Variants in SLC4A4 observed in about 807,000 individuals in gnomAD.
The protein encoded by SLC4A4 is electrogenic sodium bicarbonate cotransporter 1.
In SLC4A4, 27 loss-of-function variants were observed where a neutral mutation model predicts 111.5. The ratio of observed to expected loss-of-function variants is 0.24; its 90% CI spans 0.18 to 0.33. The LOEUF (loss-of-function observed/expected upper bound fraction) is 0.33. Ranked by LOEUF, SLC4A4 falls within the 10% of genes least tolerant of loss-of-function variation. SLC4A4 has a pLI of 1.00. For synonymous variants in SLC4A4, 443 were observed against 463.4 expected, an observed-to-expected ratio of 0.96 and a Z score of 0.57; for missense variants, 909 against 1,315.5, an observed-to-expected ratio of 0.69 and a Z score of 4.78.
intron 2 of SLC4A4, among the ~76,000 whole-genome samples, chr4:71,171,765 G>A (rs1744947762): frequency 6.6e-6 from 1 of 152,082 alleles, no homozygotes; most frequent in Non-Finnish European, 1.5e-5. Flanking sequence ...GATTACTCTG[G>A]TCTTTATTCC....
chr4:71,168,473 G>A (rs1290468369), intron 2 of SLC4A4, among the ~76,000 whole-genome samples: 1 of 152,038 alleles, frequency 6.6e-6, no homozygotes, highest in African/African-American at 2.4e-5. Flanking sequence ...GTGAGCCACT[G>A]CTTCTGGCCT....
At chr4:71,248,820 T>G (rs1282081778) in intron 2 of SLC4A4, among the ~76,000 whole-genome samples, 1 of 152,200 alleles carries the variant, frequency 6.6e-6, no homozygotes, top group East Asian at 1.9e-4. Flanking sequence ...TATGTGGTCT[T>G]AGGCGCCTCA....
chr4:71,341,956 G>A lies in SLC4A4; in HGVS notation c.389+2451G>A, dbSNP rs73826251. On this transcript the variant is annotated intron_variant, in intron 4 of 25. Coordinates refer to ENST00000264485, the MANE Select transcript of SLC4A4 (RefSeq NM_001098484.3). Reference sequence around the variant, plus strand: ...ACTCCTAGCCCCAACAGTAGTATTAGGGAAAGAGACCTAATTTTTAAATAC... The same window carrying A: ...ACTCCTAGCCCCAACAGTAGTATTAAGGAAAGAGACCTAATTTTTAAATAC... 7.9e-3 allele frequency among the ~76,000 whole-genome samples: 1,203 copies of A among 152,162 alleles called. 17 individuals are homozygous for A. Among genetic ancestry groups the A allele is most frequent in the African/African-American group, 0.026 (1,065 of 41,528 alleles).
At chr4:71,318,954 A>G (rs891114167) in intron 3 of SLC4A4, among the ~76,000 whole-genome samples, 9 of 151,878 alleles carry the variant, frequency 5.9e-5, no homozygotes, top group African/African-American at 2.2e-4. Context: ...GAGTGGCTGG[A>G]CATATCTTAG....
At chr4:71,387,222 A>T (rs56885514) in intron 6 of SLC4A4, among the ~76,000 whole-genome samples, 2 of 152,104 alleles carry the variant, frequency 1.3e-5, no homozygotes, top group African/African-American at 4.8e-5. Flanking sequence ...GTCCCTCTGC[A>T]TGGAGTTTTA....
chr4:71,166,576 T>C (rs932634548), intron 2 of SLC4A4, among the ~76,000 whole-genome samples: 1 of 152,216 alleles, frequency 6.6e-6, no homozygotes, highest in African/African-American at 2.4e-5. Context: ...TTCTGTGAAC[T>C]TAGAGGTATC....
chr4:71,294,510 AGTGGAGTGG>A (rs1724623123), intron 3 of SLC4A4, among the ~76,000 whole-genome samples: 1 of 152,240 alleles, frequency 6.6e-6, no homozygotes, highest in Non-Finnish European at 1.5e-5. Context: ...TCTTAATGGC[AGTGGAGTGG>A]GTAGTAATGT....
intron 2 of SLC4A4, among the ~76,000 whole-genome samples, chr4:71,156,544 G>A (rs537789792): frequency 1.2e-5 from 1 of 82,386 alleles, no homozygotes; most frequent in African/African-American, 2.6e-5. Flanking sequence ...AGAGAAGTTG[G>A]CTTATGTCCA....
chr4:71,502,731 C>G (rs572518292), intron 16 of SLC4A4, among the ~76,000 whole-genome samples: 2 of 152,220 alleles, frequency 1.3e-5, no homozygotes, highest in South Asian at 4.1e-4. Context: ...TTTTCTAAGA[C>G]TAGTTTTGTA....
At chr4:71,087,868 G>T (rs1158398550) in intron 1 of SLC4A4, among the ~76,000 whole-genome samples, 1 of 151,948 alleles carries the variant, frequency 6.6e-6, no homozygotes, top group Non-Finnish European at 1.5e-5. Context: ...GTGCTGAGAA[G>T]AATGTATATT....
At chr4:71,164,873 C>A (rs866797417) in intron 2 of SLC4A4, among the ~76,000 whole-genome samples, 13 of 151,284 alleles carry the variant, frequency 8.6e-5, no homozygotes, top group Admixed American at 3.9e-4. Context: ...AACAAAAAAA[C>A]CATCAAAAAG....
At chr4:71,378,846 C>T (rs1378352434) in intron 6 of SLC4A4, among the ~76,000 whole-genome samples, 1 of 152,152 alleles carries the variant, frequency 6.6e-6, no homozygotes, top group Non-Finnish European at 1.5e-5. Context: ...CTCATTTCTA[C>T]TCCTCTTAAT....
intron 2 of SLC4A4, among the ~76,000 whole-genome samples, chr4:71,134,305 G>T (rs1743787403): frequency 6.6e-6 from 1 of 152,144 alleles, no homozygotes; most frequent in African/African-American, 2.4e-5. Context: ...GTCACTGCTG[G>T]CCTGTTCAGT....
At chr4:71,266,714 T>G (rs1469092017) in intron 3 of SLC4A4, among the ~76,000 whole-genome samples, 1 of 152,210 alleles carries the variant, frequency 6.6e-6, no homozygotes, top group Non-Finnish European at 1.5e-5. Flanking sequence ...GTCATCATCC[T>G]TCATGGTCCT....
intron 6 of SLC4A4, among the ~76,000 whole-genome samples, chr4:71,389,899 TAAACA>T (rs1459159684): frequency 2.0e-5 from 3 of 152,144 alleles, no homozygotes; most frequent in East Asian, 1.9e-4. Context: ...AAAAATATTT[TAAACA>T]AAACAAAACA....
intron 16 of SLC4A4, among the ~76,000 whole-genome samples, chr4:71,519,607 T>A (rs529163595): frequency 6.6e-6 from 1 of 152,008 alleles, no homozygotes; most frequent in South Asian, 2.1e-4. Context: ...AATATATACA[T>A]AAATACATAT....
At chr4:71,199,807 T>C (rs1578584104) in intron 1 of SLC4A4, among the ~76,000 whole-genome samples, 1 of 152,182 alleles carries the variant, frequency 6.6e-6, no homozygotes, top group East Asian at 1.9e-4. Flanking sequence ...CGCACCACCA[T>C]GCCTGGCTAT....
intron 3 of SLC4A4, among the ~76,000 whole-genome samples, chr4:71,267,459 A>T (rs939447686): frequency 6.6e-6 from 1 of 152,196 alleles, no homozygotes; most frequent in East Asian, 1.9e-4. Context: ...TGGTTATCTA[A>T]GGCAGGCCAT....
At chr4:71,344,161 C>G (rs764619674) in intron 4 of SLC4A4, among the ~76,000 whole-genome samples, 2 of 152,122 alleles carry the variant, frequency 1.3e-5, no homozygotes, top group Non-Finnish European at 2.9e-5. Context: ...TGTTTTGCCA[C>G]TGTATTCCTA....
Sources: gnomAD v4.1 joint callset for allele counts (sites outside exome capture counted in the v4.1 genomes callset) on GRCh38, gnomAD v4.1.1 for gene constraint, MANE v1.5 for transcripts, NCBI Gene and HGNC (gene_info 2026-07-23, HGNC 2026-07-21) for gene names.